Variants in CEP128 observed in about 807,000 individuals in gnomAD.
CEP128 encodes centrosomal protein 128.
Under a neutral mutation model 156.7 loss-of-function variants are expected in CEP128, and 132 were observed. The observed-to-expected ratio is 0.84, with a 90% CI of 0.73 to 0.97. The LOEUF (loss-of-function observed/expected upper bound fraction) is 0.97. Among genes scored for constraint, CEP128 ranks in the 50% least tolerant of loss-of-function variants. The pLI is 0.00. For missense variants in CEP128, 1,252 were observed against 1,281.9 expected, an observed-to-expected ratio of 0.98 and a Z score of 0.36; for synonymous variants, 469 against 448.9, an observed-to-expected ratio of 1.04 and a Z score of -0.57.
intron 1 of CEP128, among the ~76,000 whole-genome samples, chr14:80,940,943 C>G (rs1886118809): frequency 6.6e-6 from 1 of 152,176 alleles, no homozygotes; most frequent in South Asian, 2.1e-4. Flanking sequence ...ACATAATACT[C>G]AAATCAATGC....
intron 19 of CEP128, among the ~76,000 whole-genome samples, chr14:80,711,295 T>TTGTGTGTGTGTGTGTGTG (rs138953286): frequency 1.7e-3 from 247 of 145,826 alleles, no homozygotes; most frequent in Non-Finnish European, 2.1e-3. Flanking sequence ...TAAGACTATG[T>TTGTGTGTGTGTGTGTGTG]TGTGTGTGTG....
intron 19 of CEP128, among the ~76,000 whole-genome samples, chr14:80,613,002 G>T (rs946235114): frequency 4.6e-5 from 6 of 129,166 alleles, no homozygotes; most frequent in African/African-American, 1.6e-4. Flanking sequence ...CGCCACACCC[G>T]GCGAATTTTT....
Position 80,684,644 on chromosome 14 carries a change from CA to C in CEP128, c.2806+58430del, listed in dbSNP as rs902436907. 8.2e-5 allele frequency among the ~76,000 whole-genome samples: 12 copies of C among 146,334 alleles called. No homozygotes were observed. In the Admixed American group the frequency reaches 8.2e-4, roughly 10 times the overall value. ...ATACCAAAACCTAGCAAAGACACAA[CA>C]AAAAACATAACTGCAAGTCAATATC... On this transcript the variant is annotated intron_variant, in intron 19 of 24. Transcript: ENST00000555265.
chr14:80,575,951 G>A lies in CEP128; in HGVS notation c.2856+4423C>T, dbSNP rs891426231. On this transcript the variant is annotated intron_variant, in intron 20 of 24. Transcript: ENST00000555265. ...AATAAAATGAAAAGAGAGATGACCA[G>A]TAAGTTATCATATGAGTAAGGGCAC... is the stretch of plus-strand genomic sequence containing the variant. Among the ~76,000 whole-genome samples, 3 of 152,002 alleles carry A rather than the reference G, an allele frequency of 2.0e-5. No individual in the cohort carries two copies. The East Asian group carries it at 5.8e-4, about 29-fold the overall frequency.
At chr14:80,614,566 A>G (rs1387092238) in intron 19 of CEP128, among the ~76,000 whole-genome samples, 1 of 151,984 alleles carries the variant, frequency 6.6e-6, no homozygotes, top group Non-Finnish European at 1.5e-5. Flanking sequence ...AATTTGCCTA[A>G]TTTCTGCTCT....
At chr14:80,603,102 G>A (rs1892643438) in intron 19 of CEP128, among the ~76,000 whole-genome samples, 1 of 152,200 alleles carries the variant, frequency 6.6e-6, no homozygotes, top group African/African-American at 2.4e-5. Flanking sequence ...ATTTCTGAAT[G>A]AGGCCTTTCA....
intron 19 of CEP128, among the ~76,000 whole-genome samples, chr14:80,607,819 T>G (rs949352314): frequency 3.3e-5 from 5 of 152,192 alleles, no homozygotes; most frequent in Admixed American, 1.3e-4. Flanking sequence ...TTATAGATTA[T>G]ACAATAGCTT....
At chr14:80,868,103 T>C (rs1038675859) in intron 8 of CEP128, among the ~76,000 whole-genome samples, 1 of 152,054 alleles carries the variant, frequency 6.6e-6, no homozygotes, top group African/African-American at 2.4e-5. Flanking sequence ...ACCAAGAATA[T>C]CATAACCATT....
intron 12 of CEP128, among the ~76,000 whole-genome samples, chr14:80,834,176 G>C (rs1353274150): frequency 6.6e-6 from 1 of 152,006 alleles, no homozygotes; most frequent in Non-Finnish European, 1.5e-5. Context: ...TAGGATAGTA[G>C]GCAAAACCAA....
intron 15 of CEP128, among the ~76,000 whole-genome samples, chr14:80,779,680 C>A (rs999629269): frequency 1.3e-4 from 20 of 152,154 alleles, no homozygotes; most frequent in African/African-American, 4.1e-4. Context: ...TATTCAGAAC[C>A]CCCAAACTTG....
rs192366085 is a variant in CEP128 at position 80,618,475 on chromosome 14, G to A, written c.2807-38052C>T. On this transcript the variant is annotated intron_variant, in intron 19 of 24. Coordinates refer to ENST00000555265, the MANE Select transcript of CEP128 (RefSeq NM_152446.5). The stretch of plus-strand genomic sequence containing the variant: ...CTTACAGTATACGTCTTGAAATGTG[G>A]GATAAAACAAATACATAGTTGAATT... Among the ~76,000 whole-genome samples the A allele has an allele frequency of 3.8e-3, 576 of 152,268 alleles. 3 individuals carry two copies. Among genetic ancestry groups the A allele is most frequent in the Non-Finnish European group, 6.7e-3 (459 of 68,010 alleles).
intron 13 of CEP128, among the ~76,000 whole-genome samples, chr14:80,824,132 G>T (rs1411125420): frequency 6.6e-6 from 1 of 152,190 alleles, no homozygotes; most frequent in Non-Finnish European, 1.5e-5. Flanking sequence ...CTCTACATTG[G>T]CCCCTTTCAG....
chr14:80,679,274 G>A (rs141580179), intron 19 of CEP128, among the ~76,000 whole-genome samples: 4,092 of 152,266 alleles, frequency 0.027, 180 homozygotes, highest in African/African-American at 0.093. Context: ...GACTGCCTGC[G>A]GGGTCAGGCA....
At chr14:80,536,311 T>G (rs567497810) in intron 21 of CEP128, among the ~76,000 whole-genome samples, 6 of 152,330 alleles carry the variant, frequency 3.9e-5, no homozygotes, top group Non-Finnish European at 8.8e-5. Context: ...TATTTTCTTA[T>G]TAACATGTAA....
At chr14:80,905,317 TATAAAA>T (rs1379657650) in intron 5 of CEP128, among the ~76,000 whole-genome samples, 3 of 152,072 alleles carry the variant, frequency 2.0e-5, no homozygotes, top group Non-Finnish European at 4.4e-5. Context: ...CTGAACAGCA[TATAAAA>T]ATAAAAACTA....
intron 19 of CEP128, among the ~76,000 whole-genome samples, chr14:80,685,228 T>A (rs1896480247): frequency 6.6e-6 from 1 of 152,116 alleles, no homozygotes; most frequent in African/African-American, 2.4e-5. Flanking sequence ...CTACTGGGAC[T>A]GATAAACCAC....
chr14:80,902,326 T>C (rs1326134293), intron 6 of CEP128, among the ~76,000 whole-genome samples: 1 of 152,204 alleles, frequency 6.6e-6, no homozygotes, highest in Admixed American at 6.5e-5. Context: ...ATGAATAATG[T>C]TAAGATATTG....
intron 13 of CEP128, among the ~76,000 whole-genome samples, chr14:80,811,691 G>C (rs1234207713): frequency 6.7e-6 from 1 of 148,952 alleles, no homozygotes; most frequent in African/African-American, 2.6e-5. Flanking sequence ...GTGTGTGTGT[G>C]TGTGTGTGTG....
chr14:80,800,360 C>T (rs890959498), intron 13 of CEP128, among the ~76,000 whole-genome samples: 10 of 152,102 alleles, frequency 6.6e-5, no homozygotes, highest in African/African-American at 2.4e-4. Context: ...ATAAAGAGAA[C>T]TTTTTATATC....
Sources: gnomAD v4.1 joint callset for allele counts (sites outside exome capture counted in the v4.1 genomes callset) on GRCh38, gnomAD v4.1.1 for gene constraint, MANE v1.5 for transcripts, NCBI Gene and HGNC (gene_info 2026-07-23, HGNC 2026-07-21) for gene names.